The following MAGI2 variants were observed in gnomAD, a reference collection of about 807,000 sequenced individuals.
The protein encoded by MAGI2 is membrane associated guanylate kinase, WW and PDZ domain containing 2, also known as membrane-associated guanylate kinase, WW and PDZ domain-containing protein 2.
A neutral mutation model predicts 133.3 loss-of-function variants in MAGI2; 35 were observed. That is an observed-to-expected ratio of 0.26 (90% CI 0.20 to 0.35). The LOEUF (loss-of-function observed/expected upper bound fraction) is 0.35. Ranked by LOEUF, MAGI2 falls within the 10% of genes least tolerant of loss-of-function variation. The pLI is 1.00. For synonymous variants in MAGI2, 729 were observed against 710.6 expected, an observed-to-expected ratio of 1.03 and a Z score of -0.41; for missense variants, 1,636 against 1,863.4, an observed-to-expected ratio of 0.88 and a Z score of 2.25.
chr7:78,409,131 C>T (rs1270705250), intron 6 of MAGI2, among the ~76,000 whole-genome samples: 1 of 151,996 alleles, frequency 6.6e-6, no homozygotes, highest in Non-Finnish European at 1.5e-5. Context: ...CTTTCTATCA[C>T]AATGCTTTTT....
At chr7:78,890,664 A>C (rs1343029674) in intron 2 of MAGI2, among the ~76,000 whole-genome samples, 2 of 151,874 alleles carry the variant, frequency 1.3e-5, no homozygotes, top group African/African-American at 4.8e-5. Context: ...AAATAAAGAT[A>C]TTCTTTGAAA....
chr7:78,611,799 A>T (rs1806476908), intron 3 of MAGI2, among the ~76,000 whole-genome samples: 1 of 152,210 alleles, frequency 6.6e-6, no homozygotes, highest in Non-Finnish European at 1.5e-5. Context: ...CTTATGCTTG[A>T]AAGTAGACAT....
chr7:78,049,704 C>T (rs1249133329), intron 21 of MAGI2, among the ~76,000 whole-genome samples: 9 of 152,100 alleles, frequency 5.9e-5, no homozygotes. Flanking sequence ...AAACAAAACC[C>T]ATCAGTTCCA....
intron 2 of MAGI2, among the ~76,000 whole-genome samples, chr7:78,654,566 G>C (rs1227738698): frequency 1.3e-5 from 2 of 151,426 alleles, no homozygotes; most frequent in Non-Finnish European, 2.9e-5. Flanking sequence ...CGTTTCCCAA[G>C]TTGAGTTCTG....
intron 9 of MAGI2, among the ~76,000 whole-genome samples, chr7:78,269,040 G>C (rs145716816): frequency 1.3e-5 from 2 of 152,038 alleles, no homozygotes; most frequent in Non-Finnish European, 2.9e-5. Context: ...GTGGTGTTTC[G>C]TTTTCTGTTC....
rs530292981 is a variant in MAGI2 at position 78,462,007 on chromosome 7, G to A, written c.1045+27754C>T. Among the ~76,000 whole-genome samples, 91 of 150,408 alleles carry A rather than the reference G, an allele frequency of 6.1e-4. 1 individual carries two copies. The highest frequency in any genetic ancestry group is 3.5e-3 in the Middle Eastern group (1 of 288). Reference sequence around the variant, plus strand: ...ATGTAAAATTAAGTGATTATAAGGTGAGGTTTGAACCTGATTTTCAAGCAC... The same window carrying A: ...ATGTAAAATTAAGTGATTATAAGGTAAGGTTTGAACCTGATTTTCAAGCAC... On this transcript the variant is annotated intron_variant, in intron 6 of 21. Transcript: ENST00000354212.
intron 2 of MAGI2, among the ~76,000 whole-genome samples, chr7:78,927,566 C>T (rs934444490): frequency 3.3e-5 from 5 of 151,786 alleles, no homozygotes; most frequent in African/African-American, 1.2e-4. Context: ...GTGACAGAAA[C>T]ACAGGTAGAA....
chr7:78,670,444 G>T (rs554006007), intron 2 of MAGI2, among the ~76,000 whole-genome samples: 1 of 152,092 alleles, frequency 6.6e-6, no homozygotes, highest in African/African-American at 2.4e-5. Flanking sequence ...ATGGAAGAAC[G>T]TTCAATGCTC....
intron 1 of MAGI2, among the ~76,000 whole-genome samples, chr7:79,372,236 G>A (rs1295252701): frequency 9.9e-5 from 15 of 152,044 alleles, no homozygotes. Flanking sequence ...CTTCACTGGA[G>A]TATCATTCTA....
chr7:79,269,592 T>G (rs540980902), intron 1 of MAGI2, among the ~76,000 whole-genome samples: 2 of 152,318 alleles, frequency 1.3e-5, no homozygotes, highest in South Asian at 4.1e-4. Context: ...TTAACACCTA[T>G]ACATAAAAAT....
intron 2 of MAGI2, among the ~76,000 whole-genome samples, chr7:78,685,603 G>T (rs1260465859): frequency 6.6e-6 from 1 of 151,058 alleles, no homozygotes; most frequent in African/African-American, 2.4e-5. Context: ...AGCACACGTG[G>T]TTCCTTTTGA....
chr7:79,164,113 G>A (rs959487981), intron 1 of MAGI2, among the ~76,000 whole-genome samples: 5 of 151,976 alleles, frequency 3.3e-5, no homozygotes, highest in African/African-American at 1.2e-4. Flanking sequence ...CTGTTTATTG[G>A]CCTGCCCATG....
intron 4 of MAGI2, among the ~76,000 whole-genome samples, chr7:78,519,817 T>C (rs1417085399): frequency 6.6e-6 from 1 of 152,224 alleles, no homozygotes; most frequent in Non-Finnish European, 1.5e-5. Context: ...AACCACAAGA[T>C]GTTAACCAGT....
In MAGI2 at chr7:78,256,339, T is replaced by G; in HGVS notation, c.1651A>C (p.Ile551Leu). The stretch of plus-strand genomic sequence containing the variant: ...GGAACTGACTGTGAGGTCCGAGAAA[T>G]GTACTCCAAATATGTTTCATAGTTG... ...RHNYETYLEY[I>L]SRTSQSVPDI... The change falls in exon 10 of 22, where the codon ATT becomes CTT. Residue 551 changes from isoleucine (I) to leucine (L), a missense_variant. Transcript: ENST00000354212. 1 of 1,613,998 alleles carries G rather than the reference T, an allele frequency of 6.2e-7. No individual in the cohort carries two copies. Among genetic ancestry groups the G allele is most frequent in the Non-Finnish European group, 8.5e-7 (1 of 1,179,986 alleles).
At chr7:78,203,011 A>G (rs1829408320) in intron 10 of MAGI2, among the ~76,000 whole-genome samples, 1 of 152,242 alleles carries the variant, frequency 6.6e-6, no homozygotes, top group African/African-American at 2.4e-5. Context: ...CCATGAGTTT[A>G]AAAGTGAAAC....
At chr7:79,206,377 TAA>T (rs1481606358) in intron 1 of MAGI2, among the ~76,000 whole-genome samples, 1 of 150,904 alleles carries the variant, frequency 6.6e-6, no homozygotes, top group African/African-American at 2.4e-5. Context: ...AAATCAGAAA[TAA>T]AAAAGAGACA....
intron 1 of MAGI2, among the ~76,000 whole-genome samples, chr7:79,304,203 C>CTGTGTGTGTGTGTGTGTG (rs1184824177): frequency 4.9e-4 from 66 of 135,476 alleles, no homozygotes; most frequent in African/African-American, 1.3e-3. Flanking sequence ...GTGTGTGTGT[C>CTGTGTGTGTGTGTGTGTG]TGTGTGTGTG....
intron 1 of MAGI2, among the ~76,000 whole-genome samples, chr7:79,171,371 C>A (rs1825524846): frequency 6.6e-6 from 1 of 151,930 alleles, no homozygotes; most frequent in Admixed American, 6.6e-5. Flanking sequence ...AATTAGGGGT[C>A]TACTCTACTA....
chr7:78,646,786 C>T (rs1472613620), intron 2 of MAGI2, among the ~76,000 whole-genome samples: 4 of 152,192 alleles, frequency 2.6e-5, no homozygotes, highest in Non-Finnish European at 4.4e-5. Flanking sequence ...CATCCTTTAG[C>T]GCTGACCAAC....
Sources: gnomAD v4.1 joint callset for allele counts (sites outside exome capture counted in the v4.1 genomes callset) on GRCh38, gnomAD v4.1.1 for gene constraint, MANE v1.5 for transcripts, NCBI Gene and HGNC (gene_info 2026-07-23, HGNC 2026-07-21) for gene names.